The following TRAPPC9 variants were observed in gnomAD, a reference collection of about 807,000 sequenced individuals.
The protein encoded by TRAPPC9 is IKK2 binding protein.
TRAPPC9 carries 83 observed loss-of-function variants against 124.0 expected under a neutral mutation model. The ratio of observed to expected loss-of-function variants is 0.67; its 90% CI spans 0.56 to 0.80. The LOEUF (loss-of-function observed/expected upper bound fraction) is 0.80. TRAPPC9 is among the 30% of genes least tolerant of loss of function. The pLI is 0.00. For synonymous variants in TRAPPC9, 638 were observed against 617.5 expected, an observed-to-expected ratio of 1.03 and a Z score of -0.49; for missense variants, 1,302 against 1,508.3, an observed-to-expected ratio of 0.86 and a Z score of 2.27.
At chr8:140,024,643 C>T (rs1366692327) in intron 17 of TRAPPC9, among the ~76,000 whole-genome samples, 3 of 152,110 alleles carry the variant, frequency 2.0e-5, no homozygotes, top group Non-Finnish European at 4.4e-5. Flanking sequence ...GTGATCCACC[C>T]GCCTCGGCCT....
chr8:140,417,859 C>T (rs370714235), intron 5 of TRAPPC9, among the ~76,000 whole-genome samples: 10 of 152,338 alleles, frequency 6.6e-5, no homozygotes, highest in East Asian at 3.9e-4. Context: ...GGCACATATA[C>T]ACCATGGAAT....
chr8:139,894,374 G>C (rs980234679), intron 20 of TRAPPC9, among the ~76,000 whole-genome samples: 1 of 152,094 alleles, frequency 6.6e-6, no homozygotes, highest in Non-Finnish European at 1.5e-5. Flanking sequence ...TCCTGGGGGG[G>C]TGCTGTCCTT....
chr8:140,117,236 A>C (rs1222905602), intron 17 of TRAPPC9, among the ~76,000 whole-genome samples: 1 of 152,226 alleles, frequency 6.6e-6, no homozygotes, highest in East Asian at 1.9e-4. Flanking sequence ...AAGGATAAAA[A>C]TGAGATGATA....
intron 7 of TRAPPC9, among the ~76,000 whole-genome samples, chr8:140,387,599 A>G (rs1339019156): frequency 6.6e-6 from 1 of 152,240 alleles, no homozygotes; most frequent in African/African-American, 2.4e-5. Context: ...GAAGACATTT[A>G]TGCAGCCAAC....
chr8:140,011,252 G>C (rs578059973), intron 18 of TRAPPC9, among the ~76,000 whole-genome samples: 1 of 152,056 alleles, frequency 6.6e-6, no homozygotes, highest in African/African-American at 2.4e-5. Context: ...TGAGGCAGGA[G>C]AATCACTTGA....
chr8:140,418,434 C>T lies in TRAPPC9; in HGVS notation c.886+8181G>A, dbSNP rs117877684. Among the ~76,000 whole-genome samples the T allele has an allele frequency of 2.0e-3, 309 of 152,206 alleles. 1 individual carries two copies. The highest frequency in any genetic ancestry group is 3.7e-3 in the African/African-American group (152 of 41,540). The stretch of plus-strand genomic sequence containing the variant: ...GATCCACATTTCTTATGAATATAGA[C>T]GCAAGGCCGGGCGCAGTGGCTCACG... On this transcript the variant is annotated intron_variant, in intron 5 of 22. Transcript: ENST00000438773.
intron 2 of TRAPPC9, among the ~76,000 whole-genome samples, chr8:140,443,431 A>G (rs563984708): frequency 2.0e-5 from 3 of 151,610 alleles, no homozygotes; most frequent in Admixed American, 6.6e-5. Context: ...GCAAGACTCC[A>G]TCTCAAAAAA....
intron 14 of TRAPPC9, among the ~76,000 whole-genome samples, chr8:140,279,359 C>T (rs761260939): frequency 2.0e-5 from 3 of 152,090 alleles, no homozygotes; most frequent in Non-Finnish European, 2.9e-5. Context: ...TGTCGATAAA[C>T]GTTTGTGAGT....
At chr8:139,993,138 A>C (rs1837748664) in intron 18 of TRAPPC9, among the ~76,000 whole-genome samples, 1 of 152,218 alleles carries the variant, frequency 6.6e-6, no homozygotes, top group African/African-American at 2.4e-5. Context: ...ATGCGTTGCA[A>C]ATATCTTTTC....
chr8:140,257,098 G>A lies in TRAPPC9; in HGVS notation c.2279-4169C>T, dbSNP rs72688862. ...AAGGCCAGAGGAGGCATGAGTCTCC[G>A]CCATAGTGCAGAGTAGTTAGCTTAC... On this transcript the variant is annotated intron_variant, in intron 15 of 22. Transcript: ENST00000438773. The surrounding 1 kb of genome is among the most constrained non-coding windows in gnomAD (Gnocchi z 4.6). Among the ~76,000 whole-genome samples the A allele has an allele frequency of 0.11, 16,503 of 152,196 alleles. 1,113 individuals are homozygous for A. Among genetic ancestry groups the A allele is most frequent in the Admixed American group, 0.17 (2,640 of 15,294 alleles).
chr8:140,094,347 C>T (rs1001091319), intron 17 of TRAPPC9, among the ~76,000 whole-genome samples: 2 of 152,198 alleles, frequency 1.3e-5, no homozygotes, highest in African/African-American at 2.4e-5. Flanking sequence ...AACATGTAGA[C>T]AGCCTGTGGG....
intron 21 of TRAPPC9, among the ~76,000 whole-genome samples, chr8:139,798,633 G>A (rs1464072000): frequency 6.6e-6 from 1 of 152,226 alleles, no homozygotes; most frequent in Non-Finnish European, 1.5e-5. Context: ...GGTCAGCTCT[G>A]TCAAGAGCGT....
intron 7 of TRAPPC9, among the ~76,000 whole-genome samples, chr8:140,385,172 G>C (rs1355514467): frequency 6.6e-6 from 1 of 152,234 alleles, no homozygotes; most frequent in African/African-American, 2.4e-5. Flanking sequence ...TCAAAGCAGT[G>C]TGTAGAGGGA....
chr8:140,128,132 A>C (rs567574053), intron 17 of TRAPPC9, among the ~76,000 whole-genome samples: 85 of 152,400 alleles, frequency 5.6e-4, no homozygotes, highest in African/African-American at 1.8e-3. Context: ...TGTTTTTATC[A>C]ATACCAAAGG....
At chr8:139,755,595 C>T (rs71514651) in intron 21 of TRAPPC9, among the ~76,000 whole-genome samples, 30 of 114,894 alleles carry the variant, frequency 2.6e-4, no homozygotes, top group African/African-American at 9.2e-4. Flanking sequence ...GACAGCAGGT[C>T]GCAGGAGGAG....
intron 15 of TRAPPC9, among the ~76,000 whole-genome samples, chr8:140,255,247 C>T: frequency 6.6e-6 from 1 of 152,220 alleles, no homozygotes; most frequent in East Asian, 1.9e-4. Flanking sequence ...CACAGAACAC[C>T]TCAAATGTGC....
intron 19 of TRAPPC9, among the ~76,000 whole-genome samples, chr8:139,912,107 G>GA (rs1157963029): frequency 6.6e-6 from 1 of 152,044 alleles, no homozygotes; most frequent in African/African-American, 2.4e-5. Context: ...TTGGAAGATA[G>GA]AAAAAAGCAT....
Position 139,924,893 on chromosome 8 carries a change from A to G in TRAPPC9, c.2811-14593T>C, listed in dbSNP as rs113672957. The stretch of plus-strand genomic sequence containing the variant: ...ACATGTTTGCTGAATGAGTTACTGG[A>G]AACGGCCTTAGATCACCTGAATGAC... On this transcript the variant is annotated intron_variant, in intron 19 of 22. Coordinates refer to ENST00000438773, the MANE Select transcript of TRAPPC9 (RefSeq NM_001160372.4). 3.9e-3 allele frequency among the ~76,000 whole-genome samples: 601 copies of G among 152,304 alleles called. 5 individuals are homozygous for G. Among genetic ancestry groups the G allele is most frequent in the African/African-American group, 0.014 (567 of 41,570 alleles).
intron 16 of TRAPPC9, among the ~76,000 whole-genome samples, chr8:140,238,877 C>A (rs897641624): frequency 2.5e-4 from 38 of 152,294 alleles, no homozygotes; most frequent in Non-Finnish European, 5.0e-4. Flanking sequence ...GGAAGCGCGA[C>A]CCCCGTGCTG....
Sources: gnomAD v4.1 joint callset for allele counts (sites outside exome capture counted in the v4.1 genomes callset) on GRCh38, gnomAD v4.1.1 for gene constraint, Gnocchi (gnomAD v3.1) non-coding constraint, MANE v1.5 for transcripts, NCBI Gene and HGNC (gene_info 2026-07-23, HGNC 2026-07-21) for gene names.